The following MACF1 variants were observed in gnomAD, a reference collection of about 807,000 sequenced individuals.
MACF1 encodes the protein microtubule-actin cross-linking factor 1.
A neutral mutation model predicts 854.8 loss-of-function variants in MACF1; 193 were observed. That is an observed-to-expected ratio of 0.23 (90% confidence interval 0.20 to 0.25). MACF1 has a LOEUF of 0.25. MACF1 is among the 10% of genes least tolerant of loss of function. MACF1 has a pLI of 1.00. For missense variants in MACF1, 7,722 were observed against 8,929.1 expected, an observed-to-expected ratio of 0.86 and a Z score of 5.45; for synonymous variants, 3,185 against 3,226.7, an observed-to-expected ratio of 0.99 and a Z score of 0.44.
intron 2 of MACF1, among the ~76,000 whole-genome samples, chr1:39,155,646 T>C (rs1412072082): frequency 6.6e-6 from 1 of 152,252 alleles, no homozygotes; most frequent in Admixed American, 6.5e-5. Flanking sequence ...TGTATATTTT[T>C]ATAGGGAAAA....
chr1:39,363,604 CTT>C (rs1553308665), intron 49 of MACF1, among the ~76,000 whole-genome samples: 12 of 136,056 alleles, frequency 8.8e-5, no homozygotes, highest in Non-Finnish European at 9.5e-5. Flanking sequence ...TTCTTTCTTT[CTT>C]TTTTTTTTTT....
rs1473193442 is a variant in MACF1, at chr1:39,443,538, T to C, written c.19395T>C (p.Leu6465=). Residue 6465 remains leucine (L), a synonymous_variant, in exon 79 of 101, where the codon CTT becomes CTC. Transcript: ENST00000564288. ...QLSASKPTGG[L]PETAREQLDT... ...CTGCATCTAAGCCCACAGGAGGACT[T>C]CCTGAAACTGCTAGGGAACAGCTTG... is the stretch of plus-strand genomic sequence containing the variant. The C allele has an allele frequency of 1.2e-6, 2 of 1,613,502 alleles. No homozygotes were observed. The highest frequency in any genetic ancestry group is 1.7e-6 in the Non-Finnish European group (2 of 1,179,838).
At chr1:39,247,797 C>T (rs1970232) in intron 2 of MACF1, among the ~76,000 whole-genome samples, 9,180 of 152,226 alleles carry the variant, frequency 0.06, 358 homozygotes, top group African/African-American at 0.11. Flanking sequence ...CTTGGGGAGG[C>T]TGAGGCGGGT....
rs773779317 is a variant in MACF1 at position 39,441,255 on chromosome 1, C to T, written c.18602C>T (p.Thr6201Ile). ...AATGCTTGGGAGAACTTAAACAAAA[C>T]ATGGAAAGAGAGGCTAGAAAAACTT... Reference protein sequence around the residue: ...MNNAWENLNKTWKERLEKLED... With the variant: ...MNNAWENLNKIWKERLEKLED... The change falls in exon 74 of 101, where the codon ACA (threonine) becomes ATA (isoleucine). Residue 6201 changes from threonine to isoleucine, a missense_variant. By Grantham distance (89) the Thr-to-Ile change is moderately conservative (BLOSUM62 -1). This residue lies in a region of MACF1 where 2,807 missense variants were observed against 3,235.8 expected (regional missense o/e 0.87). Coordinates refer to ENST00000564288, the MANE Select transcript of MACF1 (RefSeq NM_001394062.1). 2 of 1,614,136 alleles carry T rather than the reference C, an allele frequency of 1.2e-6. No individual in the cohort carries two copies. Among genetic ancestry groups the T allele is most frequent in the Admixed American group, 3.3e-5 (2 of 60,024 alleles).
intron 90 of MACF1, chr1:39,458,711 G>C (rs1644491860): frequency 1.7e-6 from 1 of 590,658 alleles, no homozygotes; most frequent in African/African-American, 1.9e-5. Context: ...AGGTGGTTAA[G>C]CTTATTTTTT....
At position 39,335,757 on chromosome 1, in the gene MACF1, C is replaced by T; in HGVS notation, c.9169C>T (p.His3057Tyr). The change falls in exon 37 of 101, where the codon CAT becomes TAT. Residue 3057 changes from histidine (H) to tyrosine (Y), a missense_variant. His to Tyr is a moderately conservative substitution (Grantham distance 83). Around this residue, in one of 15 missense-constraint regions of MACF1, gnomAD observed 854 missense variants for 852.6 expected, o/e 1.00. Transcript: ENST00000564288. ...QVVPQGISVKHLDALTLFSSK... is the reference protein window; with the variant it reads ...QVVPQGISVKYLDALTLFSSK... ...GGTACCTCAAGGAATTTCTGTAAAA[C>T]ATTTAGATGCTTTAACACTCTTCAG... is the stretch of plus-strand genomic sequence containing the variant. 1.9e-6 allele frequency: 3 copies of T among 1,614,050 alleles called. No individual in the cohort carries two copies. The highest frequency in any genetic ancestry group is 2.5e-6 in the Non-Finnish European group (3 of 1,179,988).
At chr1:39,477,228 G>C (rs905924085) in intron 97 of MACF1, among the ~76,000 whole-genome samples, 1 of 149,970 alleles carries the variant, frequency 6.7e-6, no homozygotes, top group Non-Finnish European at 1.5e-5. Context: ...GACTTTTGTT[G>C]TTGTTTTGGT....
intron 2 of MACF1, among the ~76,000 whole-genome samples, chr1:39,133,799 T>C (rs1321263561): frequency 2.6e-5 from 4 of 152,204 alleles, no homozygotes; most frequent in Non-Finnish European, 4.4e-5. Flanking sequence ...CCAGAACTTA[T>C]TCATTTTTTC....
At chr1:39,329,135 A>AT (rs935270355) in intron 36 of MACF1, among the ~76,000 whole-genome samples, 8 of 152,218 alleles carry the variant, frequency 5.3e-5, no homozygotes, top group Non-Finnish European at 1.0e-4. Context: ...TATAATATAT[A>AT]TGTTTAAATT....
chr1:39,136,477 T>C (rs1643171888), intron 2 of MACF1, among the ~76,000 whole-genome samples: 1 of 152,198 alleles, frequency 6.6e-6, no homozygotes, highest in South Asian at 2.1e-4. Context: ...GCGTGGTTTA[T>C]ACTGGTTTGT....
At position 39,225,217 on chromosome 1, in the gene MACF1, C is replaced by CTTTTTTTTTTTTTTT. The variant is rs139578945; in HGVS notation, c.110-5955_110-5954insTTTTTTTTTTTTTTT. On this transcript the variant is annotated intron_variant, in intron 1 of 100. Coordinates refer to ENST00000564288, the MANE Select transcript of MACF1 (RefSeq NM_001394062.1). ...AACAAATAGCAAATTTTTCTTTTTT[C>CTTTTTTTTTTTTTTT]TTTTTTTTTTGAGACGGAGTCTCGC... is the stretch of plus-strand genomic sequence containing the variant. 3.4e-4 allele frequency among the ~76,000 whole-genome samples: 43 copies of CTTTTTTTTTTTTTTT among 125,190 alleles called. 11 individuals are homozygous for CTTTTTTTTTTTTTTT. The highest frequency in any genetic ancestry group is 1.4e-3 in the East Asian group (6 of 4,300). 82.1% of individuals were successfully genotyped at this position (125,190 alleles called of 152,430 possible). A position where few individuals can be genotyped will look rare whatever the true frequency, so the allele number is the denominator to read the frequency against.
At chr1:39,269,304 A>G in intron 6 of MACF1, 1 of 1,289,880 alleles carries the variant, frequency 7.8e-7, no homozygotes, top group Non-Finnish European at 1.0e-6. Flanking sequence ...TGCTTTGCCT[A>G]GGACAGACTA....
intron 58 of MACF1, chr1:39,414,226 A>G: frequency 6.2e-7 from 1 of 1,613,720 alleles, no homozygotes; most frequent in Non-Finnish European, 8.5e-7. Context: ...GGTGCCTGCC[A>G]TCCCAGCTGC....
At chr1:39,344,894 A>G (rs1479792625) in intron 40 of MACF1, among the ~76,000 whole-genome samples, 1 of 151,990 alleles carries the variant, frequency 6.6e-6, no homozygotes, top group Non-Finnish European at 1.5e-5. Flanking sequence ...GCTGCAACCA[A>G]TTATTATTTT....
chr1:39,428,362 AT>A lies in MACF1; in HGVS notation c.16803+84del, dbSNP rs540111475. 3,227 of 1,365,350 alleles carry A rather than the reference AT, an allele frequency of 2.4e-3. 8 individuals are homozygous for A. Among genetic ancestry groups the A allele is most frequent in the Non-Finnish European group, 2.9e-3 (2,990 of 1,021,732 alleles). 84.6% of individuals were successfully genotyped at this position (1,365,350 alleles called of 1,614,324 possible). On this transcript the variant is annotated intron_variant, in intron 63 of 100. Coordinates refer to ENST00000564288, the MANE Select transcript of MACF1 (RefSeq NM_001394062.1). ...TTTTGATTCATGTTTCTCTTCATTT[AT>A]TTTTTTTTCTTCATTACAAACACTT...
At chr1:39,274,836 A>AT (rs1645402460) in intron 6 of MACF1, among the ~76,000 whole-genome samples, 1 of 152,230 alleles carries the variant, frequency 6.6e-6, no homozygotes, top group South Asian at 2.1e-4. Flanking sequence ...AGAATAGCAT[A>AT]TGCTTGGTAG....
rs1026742482 is a variant in MACF1 at position 39,105,925 on chromosome 1, G to T, written c.220+21487G>T. Among the ~76,000 whole-genome samples, 2 of 152,206 alleles carry T rather than the reference G, an allele frequency of 1.3e-5. No homozygotes were observed. The highest frequency in any genetic ancestry group is 2.9e-5 in the Non-Finnish European group (2 of 68,038). On this transcript the variant is annotated intron_variant, in intron 2 of 93. Coordinates refer to the MACF1 transcript ENST00000361689. This position sits in a 1 kb window ranked among gnomAD's most constrained non-coding sequence, Gnocchi z 5.9. ...AAACCGCCCCCGGGGCAGTCGGCGC[G>T]CTCAGAGCGCCAGTTACATGATTTG...
At chr1:39,187,989 TCCC>T (rs1644200320) in intron 2 of MACF1, among the ~76,000 whole-genome samples, 1 of 77,958 alleles carries the variant, frequency 1.3e-5, no homozygotes, top group Non-Finnish European at 2.4e-5. Flanking sequence ...TCCCCTCCCC[TCCC>T]CTCCCCTTCC....
At chr1:39,101,993 A>G (rs576963716) in intron 2 of MACF1, among the ~76,000 whole-genome samples, 10 of 150,908 alleles carry the variant, frequency 6.6e-5, no homozygotes, top group African/African-American at 2.2e-4. Context: ...TGGCTAACAC[A>G]GTGAAACCCC....
Sources: gnomAD v4.1 joint callset for allele counts (sites outside exome capture counted in the v4.1 genomes callset) on GRCh38, gnomAD v4.1.1 for gene constraint, gnomAD v4.1.1 regional missense constraint, Gnocchi (gnomAD v3.1) non-coding constraint, MANE v1.5 for transcripts, NCBI Gene and HGNC (gene_info 2026-07-23, HGNC 2026-07-21) for gene names.